Variants in IL2RA observed in about 807,000 individuals in gnomAD.
The protein encoded by IL2RA is interleukin 2 receptor subunit alpha, also known as interleukin-2 receptor subunit alpha.
Under a neutral mutation model 37.8 loss-of-function variants are expected in IL2RA, and 24 were observed. The ratio of observed to expected loss-of-function variants is 0.63; its 90% confidence interval spans 0.46 to 0.89. IL2RA has a LOEUF of 0.89. Among genes scored for constraint, IL2RA ranks in the 40% least tolerant of loss-of-function variants. The probability of loss-of-function intolerance (pLI) is 0.00; values close to 1 mark genes in which losing one functional copy is unlikely to be tolerated. For missense variants in IL2RA, 319 were observed against 348.6 expected (o/e 0.92, Z 0.68); for synonymous variants, 125 against 114.6 (o/e 1.09, Z -0.58).
Position 6,024,183 on chromosome 10 carries a change from T to A in IL2RA, c.367+61A>T, listed in dbSNP as rs373756302. 77 of 1,098,120 alleles carry A rather than the reference T, an allele frequency of 7.0e-5. No individual in the cohort carries two copies. The East Asian group carries it at 9.4e-4, about 13-fold the overall frequency. The allele number at this position is 1,098,120 out of a possible 1,614,324, so 68.0% of individuals were successfully genotyped here. A position where few individuals can be genotyped will look rare whatever the true frequency, so the allele number is the denominator to read the frequency against. On this transcript the variant is annotated intron_variant, in intron 3 of 7. Coordinates refer to ENST00000379959, the MANE Select transcript of IL2RA (RefSeq NM_000417.3). The stretch of plus-strand genomic sequence containing the variant: ...ACCTTCTTCCTTTGGGTACACATCA[T>A]CTGCCTGCAGGAGAAGGGTGCGCTA...
In IL2RA at chr10:6,021,427, A is replaced by G; in HGVS notation, c.583+51T>C. On this transcript the variant is annotated intron_variant, in intron 4 of 7. Coordinates refer to ENST00000379959, the MANE Select transcript of IL2RA (RefSeq NM_000417.3). The surrounding 1 kb of genome is among the most constrained non-coding windows in gnomAD (Gnocchi z 4.9). The stretch of plus-strand genomic sequence containing the variant: ...AGTGGTCAGGGATTCCACTCTGGTC[A>G]GCCTGATGGAGCAAAGCAACATTGT... The G allele has an allele frequency of 6.8e-7, 1 of 1,479,972 alleles. No individual in the cohort carries two copies. Among genetic ancestry groups the G allele is most frequent in the Non-Finnish European group, 9.4e-7 (1 of 1,059,446 alleles). The allele number at this position is 1,479,972 out of a possible 1,614,324, so 91.7% of individuals were successfully genotyped here. A position where few individuals can be genotyped will look rare whatever the true frequency, so the allele number is the denominator to read the frequency against.
In IL2RA at chr10:6,020,957, G is replaced by A. The variant is rs1038697404; in HGVS notation, c.583+521C>T. On this transcript the variant is annotated intron_variant, in intron 4 of 7. Coordinates refer to ENST00000379959, the MANE Select transcript of IL2RA (RefSeq NM_000417.3). The surrounding 1 kb of genome is among the most constrained non-coding windows in gnomAD (Gnocchi z 5.6). Reference sequence around the variant, plus strand: ...TGTGTGTGTGTGTGTGTGTGTGCGCGCATGTGCACTGAGTAAGTCCCGACT... The same window carrying A: ...TGTGTGTGTGTGTGTGTGTGTGCGCACATGTGCACTGAGTAAGTCCCGACT... 2.1e-5 allele frequency among the ~76,000 whole-genome samples: 3 copies of A among 146,150 alleles called. No individual in the cohort carries two copies. Among genetic ancestry groups the A allele is most frequent in the Admixed American group, 6.7e-5 (1 of 14,940 alleles).
intron 7 of IL2RA, among the ~76,000 whole-genome samples, chr10:6,016,484 G>T (rs1451416162): frequency 6.6e-6 from 1 of 151,770 alleles, no homozygotes; most frequent in Non-Finnish European, 1.5e-5. Context: ...GTTAAATGAT[G>T]AATTTTATCT....
chr10:6,030,674 A>T (rs1225456094), intron 1 of IL2RA, among the ~76,000 whole-genome samples: 2 of 152,212 alleles, frequency 1.3e-5, no homozygotes, highest in East Asian at 3.8e-4. Context: ...CTAGCTAGAA[A>T]CATAAATCGA....
At chr10:6,061,467 C>A (rs1357441254) in intron 1 of IL2RA, among the ~76,000 whole-genome samples, 1 of 151,924 alleles carries the variant, frequency 6.6e-6, no homozygotes, top group Non-Finnish European at 1.5e-5. Context: ...ATATACATAT[C>A]ATGTATATAC....
chr10:6,019,360 T>C, intron 6 of IL2RA, 68 bp downstream of exon 6: 1 of 1,215,062 alleles, frequency 8.2e-7, no homozygotes, highest in Non-Finnish European at 1.2e-6. Flanking sequence ...ACCAACCTAC[T>C]AACCAGTCAA....
chr10:6,010,819 G>T lies in IL2RA; in HGVS notation c.*2053C>A, dbSNP rs1839180913. On this transcript the variant is annotated 3_prime_UTR_variant, in exon 8 of 8. Transcript: ENST00000379959. ...TTCCACCATACACTTTTGAGAGAAG[G>T]ACAGATAAATGGTCGATAACATCTT... 1 of 152,090 alleles carries T rather than the reference G, an allele frequency of 6.6e-6. No homozygotes were observed. The highest frequency in any genetic ancestry group is 6.6e-5 in the Admixed American group (1 of 15,244). The allele number at this position is 152,090 out of a possible 1,614,324, so 9.4% of individuals were successfully genotyped here. A position where few individuals can be genotyped will look rare whatever the true frequency, so the allele number is the denominator to read the frequency against.
Position 6,024,305 on chromosome 10 carries a change from T to C in IL2RA, c.306A>G (p.Lys102=). 6.2e-7 allele frequency: 1 copy of C among 1,614,208 alleles called. No homozygotes were observed. The highest frequency in any genetic ancestry group is 8.5e-7 in the Non-Finnish European group (1 of 1,180,008). The change falls in exon 3 of 8, where the codon AAA becomes AAG. Residue 102 remains lysine (K), a synonymous_variant. Coordinates refer to ENST00000379959, the MANE Select transcript of IL2RA (RefSeq NM_000417.3). ...KQVTPQPEEQ[K]ERKTTEMQSP... Reference sequence around the variant, plus strand: ...TTTGCATTTCTGTGGTTTTCCTTTCTTTCTGTTCTTCAGGTTGAGGTGTCA... The same window carrying C: ...TTTGCATTTCTGTGGTTTTCCTTTCCTTCTGTTCTTCAGGTTGAGGTGTCA...
rs949254108 is a variant in IL2RA, at chr10:6,057,771, G to A, written c.64+4317C>T. 3.9e-5 allele frequency among the ~76,000 whole-genome samples: 6 copies of A among 152,268 alleles called. No homozygotes were observed. The highest frequency in any genetic ancestry group is 2.0e-4 in the Admixed American group (3 of 15,300). On this transcript the variant is annotated intron_variant, in intron 1 of 7. Coordinates refer to ENST00000379959, the MANE Select transcript of IL2RA (RefSeq NM_000417.3). The surrounding 1 kb of genome is among the most constrained non-coding windows in gnomAD (Gnocchi z 4.8). ...AGGGAAGGGTGGGAACAGCTGCCAC[G>A]TTGAGGGACTGCCTGCCTTGATGAT... is the stretch of plus-strand genomic sequence containing the variant.
intron 1 of IL2RA, among the ~76,000 whole-genome samples, chr10:6,032,832 T>A (rs1839621651): frequency 6.6e-6 from 1 of 151,540 alleles, no homozygotes; most frequent in East Asian, 1.9e-4. Context: ...AACAGCCCAA[T>A]AAATGGGCAA....
rs1839249542 is a variant in IL2RA, at chr10:6,014,783, C to T, written c.795-1887G>A. ...TATGAATCATTCCTGCTACAATAAC[C>T]CTAGGGGGCTTATCATTTGCACTGC... is the stretch of plus-strand genomic sequence containing the variant. On this transcript the variant is annotated intron_variant, in intron 7 of 7. Coordinates refer to ENST00000379959, the MANE Select transcript of IL2RA (RefSeq NM_000417.3). This position sits in a 1 kb window ranked among gnomAD's most constrained non-coding sequence, Gnocchi z 4.4. Among the ~76,000 whole-genome samples the T allele has an allele frequency of 6.6e-6, 1 of 152,060 alleles. No individual in the cohort carries two copies. Among genetic ancestry groups the T allele is most frequent in the African/African-American group, 2.4e-5 (1 of 41,360 alleles).
At position 6,054,990 on chromosome 10, in the gene IL2RA, C is replaced by T. The variant is rs1840021850; in HGVS notation, c.64+7098G>A. 6.6e-6 allele frequency among the ~76,000 whole-genome samples: 1 copy of T among 152,166 alleles called. No individual in the cohort carries two copies. Among genetic ancestry groups the T allele is most frequent in the Non-Finnish European group, 1.5e-5 (1 of 68,032 alleles). On this transcript the variant is annotated intron_variant, in intron 1 of 7. Coordinates refer to ENST00000379959, the MANE Select transcript of IL2RA (RefSeq NM_000417.3). This position sits in a 1 kb window ranked among gnomAD's most constrained non-coding sequence, Gnocchi z 4.5. ...GGTATTACAGGCATGAGCTATCACA[C>T]TCAGCCTATTTTCTCATTTCAGTCG...
intron 1 of IL2RA, among the ~76,000 whole-genome samples, chr10:6,032,237 A>G (rs959085900): frequency 6.6e-6 from 1 of 152,150 alleles, no homozygotes; most frequent in African/African-American, 2.4e-5. Flanking sequence ...TATATCTTAT[A>G]GATGTAACCA....
chr10:6,015,224 C>T lies in IL2RA; in HGVS notation c.795-2328G>A, dbSNP rs980155583. Among the ~76,000 whole-genome samples the T allele has an allele frequency of 6.6e-6, 1 of 151,862 alleles. No homozygotes were observed. Among genetic ancestry groups the T allele is most frequent in the Non-Finnish European group, 1.5e-5 (1 of 67,990 alleles). On this transcript the variant is annotated intron_variant, in intron 7 of 7. Transcript: ENST00000379959. The surrounding 1 kb of genome is among the most constrained non-coding windows in gnomAD (Gnocchi z 4.9). ...TCTCCTGCATCAGCCTCCCGAGTAG[C>T]TAAGATTATAGGTGCGCACCATGAC...
rs1012788097 is a variant in IL2RA, at chr10:6,055,210, T to A, written c.64+6878A>T. Among the ~76,000 whole-genome samples the A allele has an allele frequency of 4.6e-5, 7 of 152,164 alleles. No homozygotes were observed. In the South Asian group the frequency reaches 6.2e-4, roughly 13 times the overall value. ...GATCCCTGGATGATTTCTAAATGCA[T>A]TAAAGGTTGAGAAGTACTGCTTGAG... On this transcript the variant is annotated intron_variant, in intron 1 of 7. Coordinates refer to ENST00000379959, the MANE Select transcript of IL2RA (RefSeq NM_000417.3).
intron 5 of IL2RA, 70 bp downstream of exon 5, chr10:6,019,800 G>A: frequency 1.4e-6 from 2 of 1,415,592 alleles, no homozygotes; most frequent in Non-Finnish European, 2.0e-6. Context: ...ATCTCCCTGA[G>A]CCTGGCTCCT....
In IL2RA at chr10:6,035,082, C is replaced by A. The variant is rs1183123906; in HGVS notation, c.65-9057G>T. 6.6e-6 allele frequency among the ~76,000 whole-genome samples: 1 copy of A among 152,108 alleles called. No homozygotes were observed. The highest frequency in any genetic ancestry group is 1.5e-5 in the Non-Finnish European group (1 of 68,026). ...ACTCAAGGCTTAGAAATTGGGGCTC[C>A]CCACCCTGCACTAGGGTCTCACACA... is the stretch of plus-strand genomic sequence containing the variant. On this transcript the variant is annotated intron_variant, in intron 1 of 7. Transcript: ENST00000379959. This position sits in a 1 kb window ranked among gnomAD's most constrained non-coding sequence, Gnocchi z 5.4.
intron 1 of IL2RA, among the ~76,000 whole-genome samples, chr10:6,039,989 A>C (rs910022517): frequency 1.3e-5 from 2 of 152,246 alleles, no homozygotes; most frequent in Admixed American, 6.5e-5. Flanking sequence ...CCATTCTGGC[A>C]GAGAATGTGT....
intron 1 of IL2RA, among the ~76,000 whole-genome samples, chr10:6,050,877 G>A (rs1389082217): frequency 6.6e-6 from 1 of 152,120 alleles, no homozygotes; most frequent in Non-Finnish European, 1.5e-5. Context: ...CTTGAGAGAC[G>A]CTGGGAGAGG....
Sources: allele counts gnomAD v4.1 joint callset (sites outside exome capture counted in the v4.1 genomes callset), GRCh38; gene constraint gnomAD v4.1.1; non-coding constraint Gnocchi (gnomAD v3.1); transcripts MANE v1.5; gene names NCBI Gene and HGNC (gene_info 2026-07-23, HGNC 2026-07-21).